SNAP25: variants seen among roughly 807,000 people sequenced by gnomAD.
SNAP25 encodes synaptosome associated protein 25, also known as synaptosomal-associated protein 25.
A neutral mutation model predicts 28.7 loss-of-function variants in SNAP25; 3 were observed. The observed-to-expected ratio is 0.10, with a 90% CI of 0.05 to 0.27. SNAP25 has a LOEUF of 0.27. Ranked by LOEUF, SNAP25 falls within the 10% of genes least tolerant of loss-of-function variation. The pLI is 1.00. For missense variants in SNAP25, 117 were observed against 278.7 expected (o/e 0.42, Z 4.13); for synonymous variants, 61 against 88.1 (o/e 0.69, Z 1.72).
At chr20:10,266,896 T>C (rs2063516114) in intron 1 of SNAP25, among the ~76,000 whole-genome samples, 1 of 152,092 alleles carries the variant, frequency 6.6e-6, no homozygotes, top group African/African-American at 2.4e-5. Context: ...AACATAAACT[T>C]TCCTTTTCTG....
intron 4 of SNAP25, among the ~76,000 whole-genome samples, chr20:10,285,698 G>T (rs1395618882): frequency 6.6e-6 from 1 of 151,894 alleles, no homozygotes; most frequent in African/African-American, 2.4e-5. Flanking sequence ...GGGGGAACGT[G>T]CCTGACAGAT....
chr20:10,288,291 T>A lies in SNAP25; in HGVS notation c.163+3519T>A, dbSNP rs1260617087. ...GTGGGTGGAAAAAGAGACATTACAATGGAGGGTAGACTTAGGAAAGATTTA... is the reference window on the plus strand; with the variant it reads ...GTGGGTGGAAAAAGAGACATTACAAAGGAGGGTAGACTTAGGAAAGATTTA... On this transcript the variant is annotated intron_variant, in intron 4 of 7. Coordinates refer to ENST00000254976, the MANE Select transcript of SNAP25 (RefSeq NM_130811.4). 2.0e-5 allele frequency among the ~76,000 whole-genome samples: 3 copies of A among 152,122 alleles called. No homozygotes were observed. In the East Asian group the frequency reaches 5.8e-4, roughly 29 times the overall value.
At position 10,220,442 on chromosome 20, in the gene SNAP25, C is replaced by G. The variant is rs115374707; in HGVS notation, c.-64+1465C>G. ...AAGACTGGCCTTCCTCAGGAGAATC[C>G]AAGTGTGTCCTTCAGGGTAATGCAG... is the stretch of plus-strand genomic sequence containing the variant. On this transcript the variant is annotated intron_variant, in intron 1 of 7. Coordinates refer to ENST00000254976, the MANE Select transcript of SNAP25 (RefSeq NM_130811.4). Among the ~76,000 whole-genome samples, 622 of 152,288 alleles carry G rather than the reference C, an allele frequency of 4.1e-3. 3 individuals are homozygous for G. The highest frequency in any genetic ancestry group is 0.014 in the African/African-American group (598 of 41,554).
chr20:10,298,439 A>G (rs2123153081), intron 6 of SNAP25, among the ~76,000 whole-genome samples: 1 of 152,334 alleles, frequency 6.6e-6, no homozygotes, highest in Admixed American at 6.5e-5. Context: ...TTTTTAGCTC[A>G]ATACCATATA....
At chr20:10,291,519 A>G (rs995664073) in intron 4 of SNAP25, among the ~76,000 whole-genome samples, 1 of 152,222 alleles carries the variant, frequency 6.6e-6, no homozygotes, top group African/African-American at 2.4e-5. Flanking sequence ...TTTCAAAAGC[A>G]TAAGAGAAAT....
chr20:10,303,378 C>G (rs1402621340), intron 7 of SNAP25, among the ~76,000 whole-genome samples: 1 of 152,170 alleles, frequency 6.6e-6, no homozygotes, highest in East Asian at 1.9e-4. Context: ...ATTATCCAAA[C>G]AGATGACAGA....
At chr20:10,282,709 C>T (rs1338453487) in intron 3 of SNAP25, among the ~76,000 whole-genome samples, 1 of 152,150 alleles carries the variant, frequency 6.6e-6, no homozygotes, top group Non-Finnish European at 1.5e-5. Flanking sequence ...CTGATTGGGC[C>T]CTCGAGGAGA....
At chr20:10,255,332 T>G (rs932917808) in intron 1 of SNAP25, among the ~76,000 whole-genome samples, 5 of 152,210 alleles carry the variant, frequency 3.3e-5, no homozygotes, top group Admixed American at 6.5e-5. Context: ...TTAAGTGTTG[T>G]CCACCCTCTT....
chr20:10,276,710 T>C (rs1568610423), intron 2 of SNAP25, among the ~76,000 whole-genome samples: 1 of 152,246 alleles, frequency 6.6e-6, no homozygotes, highest in African/African-American at 2.4e-5. Flanking sequence ...AAGTTTTCTG[T>C]GAGAATCAAT....
intron 4 of SNAP25, among the ~76,000 whole-genome samples, chr20:10,292,272 A>G (rs1045066307): frequency 6.6e-6 from 1 of 152,194 alleles, no homozygotes; most frequent in African/African-American, 2.4e-5. Flanking sequence ...TGCTGTGTGG[A>G]TGTTACTCTT....
chr20:10,284,666 T>G lies in SNAP25; in HGVS notation c.115-58T>G. The stretch of plus-strand genomic sequence containing the variant: ...CTAATTGTCCCCTTACTGATTTCTC[T>G]TTCTCTCTTTTCTCTCTCTAACTCC... On this transcript the variant is annotated intron_variant, in intron 3 of 7. Coordinates refer to ENST00000254976, the MANE Select transcript of SNAP25 (RefSeq NM_130811.4). 2.2e-6 allele frequency: 3 copies of G among 1,358,526 alleles called. No individual in the cohort carries two copies. The South Asian group carries it at 3.5e-5, about 16-fold the overall frequency. 84.2% of individuals were successfully genotyped at this position (1,358,526 alleles called of 1,614,324 possible).
At chr20:10,243,942 A>G (rs565503961) in intron 1 of SNAP25, among the ~76,000 whole-genome samples, 1 of 152,192 alleles carries the variant, frequency 6.6e-6, no homozygotes, top group African/African-American at 2.4e-5. Flanking sequence ...TTAGTTCCCA[A>G]TCACTGTTTG....
chr20:10,232,602 G>A (rs999469625), intron 1 of SNAP25, among the ~76,000 whole-genome samples: 4 of 152,262 alleles, frequency 2.6e-5, no homozygotes, highest in East Asian at 1.9e-4. Context: ...TTCCCTCCAC[G>A]TTACAATTCA....
intron 1 of SNAP25, among the ~76,000 whole-genome samples, chr20:10,237,116 G>C (rs886119197): frequency 6.6e-6 from 1 of 152,084 alleles, no homozygotes; most frequent in Non-Finnish European, 1.5e-5. Context: ...AAGCGCTGAT[G>C]GGGGAGTGGA....
chr20:10,304,806 T>C (rs905722557), intron 7 of SNAP25, among the ~76,000 whole-genome samples: 1 of 152,174 alleles, frequency 6.6e-6, no homozygotes, highest in Non-Finnish European at 1.5e-5. Context: ...AAGAGATCAC[T>C]TTTTACTGCA....
At chr20:10,276,870 C>T (rs963149545) in intron 2 of SNAP25, among the ~76,000 whole-genome samples, 1 of 152,154 alleles carries the variant, frequency 6.6e-6, no homozygotes, top group Non-Finnish European at 1.5e-5. Context: ...GTAGTTAAAC[C>T]TTTACCAGCA....
At chr20:10,284,817 A>G in intron 4 of SNAP25, 45 bp downstream of exon 4, 3 of 1,499,060 alleles carry the variant, frequency 2.0e-6, no homozygotes, top group South Asian at 1.1e-5. Context: ...CTTCTGAATA[A>G]TGTGCATTTT....
At chr20:10,274,398 C>G (rs562278296) in intron 1 of SNAP25, among the ~76,000 whole-genome samples, 59 of 152,254 alleles carry the variant, frequency 3.9e-4, no homozygotes, top group Non-Finnish European at 6.6e-4. Flanking sequence ...TATTCAACAA[C>G]AAAAATTGAA....
chr20:10,285,207 A>G (rs1163746192), intron 4 of SNAP25, among the ~76,000 whole-genome samples: 1 of 152,188 alleles, frequency 6.6e-6, no homozygotes. Flanking sequence ...CTCAGTATCT[A>G]GTAGTTTTGG....
Sources: allele counts gnomAD v4.1 joint callset (sites outside exome capture counted in the v4.1 genomes callset), GRCh38; gene constraint gnomAD v4.1.1; transcripts MANE v1.5; gene names NCBI Gene and HGNC (gene_info 2026-07-23, HGNC 2026-07-21).